The following ADGRL2 variants were observed in gnomAD, a reference collection of about 807,000 sequenced individuals.
The protein encoded by ADGRL2 is adhesion G protein-coupled receptor L2.
A neutral mutation model predicts 157.4 loss-of-function variants in ADGRL2; 44 were observed. The observed-to-expected ratio is 0.28, with a 90% CI of 0.22 to 0.36. The LOEUF (loss-of-function observed/expected upper bound fraction) is 0.36. Among genes scored for constraint, ADGRL2 ranks in the 10% least tolerant of loss-of-function variants. The pLI, the probability that ADGRL2 is intolerant of heterozygous loss-of-function variation, is 1.00. For synonymous variants in ADGRL2, 585 were observed against 624.7 expected, an observed-to-expected ratio of 0.94 and a Z score of 0.95; for missense variants, 1,510 against 1,768.9, an observed-to-expected ratio of 0.85 and a Z score of 2.63.
chr1:81,353,992 C>A (rs766656606), intron 1 of ADGRL2, among the ~76,000 whole-genome samples: 4 of 152,074 alleles, frequency 2.6e-5, no homozygotes, highest in Non-Finnish European at 5.9e-5. Flanking sequence ...GACATGTCTG[C>A]AGAGTGTCAC....
intron 3 of ADGRL2, among the ~76,000 whole-genome samples, chr1:81,591,640 A>G (rs2148590507): frequency 6.6e-6 from 1 of 152,268 alleles, no homozygotes; most frequent in Non-Finnish European, 1.5e-5. Context: ...CTTATGTTTA[A>G]CCAGCAGAAT....
chr1:81,682,878 T>G (rs1483958471), intron 3 of ADGRL2, among the ~76,000 whole-genome samples: 1 of 152,188 alleles, frequency 6.6e-6, no homozygotes, highest in Non-Finnish European at 1.5e-5. Flanking sequence ...ACGCCTGTAA[T>G]CCCAGCACTT....
At chr1:81,312,593 T>C (rs1659832274) in intron 1 of ADGRL2, among the ~76,000 whole-genome samples, 1 of 152,220 alleles carries the variant, frequency 6.6e-6, no homozygotes, top group Non-Finnish European at 1.5e-5. Flanking sequence ...AACCACATGC[T>C]AGAGGCATTT....
chr1:81,696,765 AAAAAC>A (rs1225189365), upstream of ADGRL2, among the ~76,000 whole-genome samples: 1 of 151,818 alleles, frequency 6.6e-6, no homozygotes, highest in East Asian at 1.9e-4. Flanking sequence ...AACAAAAACA[AAAAAC>A]AAAACAAAAA....
intron 2 of ADGRL2, among the ~76,000 whole-genome samples, chr1:81,458,751 G>A (rs1305094676): frequency 6.6e-6 from 1 of 152,180 alleles, no homozygotes; most frequent in African/African-American, 2.4e-5. Context: ...GGAGTCCCAA[G>A]GAGTGTTACA....
chr1:81,388,828 G>A (rs577385451), intron 1 of ADGRL2, among the ~76,000 whole-genome samples: 92 of 152,244 alleles, frequency 6.0e-4, no homozygotes, highest in South Asian at 2.3e-3. Flanking sequence ...GATACTCAAT[G>A]CAATCCTCTG....
chr1:81,747,119 G>GTATATA (rs2085306186), intron 1 of ADGRL2, among the ~76,000 whole-genome samples: 3 of 127,588 alleles, frequency 2.4e-5, no homozygotes, highest in African/African-American at 5.8e-5. Flanking sequence ...GTGTATATAT[G>GTATATA]TGTATATATG....
intron 2 of ADGRL2, among the ~76,000 whole-genome samples, chr1:81,896,563 A>G (rs1307240112): frequency 2.0e-5 from 3 of 152,102 alleles, no homozygotes; most frequent in African/African-American, 7.2e-5. Context: ...TATAAACTCA[A>G]AACTTTAATA....
intron 1 of ADGRL2, among the ~76,000 whole-genome samples, chr1:81,391,584 C>A (rs1469141530): frequency 6.6e-6 from 1 of 152,200 alleles, no homozygotes; most frequent in African/African-American, 2.4e-5. Flanking sequence ...TTGTACCTCT[C>A]TAGCAAGTCC....
intron 2 of ADGRL2, among the ~76,000 whole-genome samples, chr1:81,464,195 C>T (rs2078001778): frequency 1.3e-5 from 2 of 152,096 alleles, no homozygotes; most frequent in Admixed American, 6.6e-5. Flanking sequence ...TTTCTGCAAA[C>T]ATGTAATACA....
chr1:81,614,924 G>A (rs368840200), intron 3 of ADGRL2, among the ~76,000 whole-genome samples: 79 of 152,084 alleles, frequency 5.2e-4, no homozygotes, highest in African/African-American at 1.8e-3. Flanking sequence ...GAAGCGGGAG[G>A]ATTACTTGAG....
At chr1:81,479,439 C>T (rs1004149168) in intron 2 of ADGRL2, among the ~76,000 whole-genome samples, 10 of 151,942 alleles carry the variant, frequency 6.6e-5, no homozygotes, top group East Asian at 3.9e-4. Flanking sequence ...GCCAAGATCG[C>T]GCCATTGCAC....
chr1:81,719,337 A>G (rs2084219800), intron 1 of ADGRL2, among the ~76,000 whole-genome samples: 1 of 152,212 alleles, frequency 6.6e-6, no homozygotes, highest in Non-Finnish European at 1.5e-5. Context: ...TAAATTTGCT[A>G]TGAATTAAAG....
intron 1 of ADGRL2, among the ~76,000 whole-genome samples, chr1:81,376,801 T>G (rs2101022800): frequency 6.6e-6 from 1 of 152,246 alleles, no homozygotes; most frequent in African/African-American, 2.4e-5. Context: ...GGGCCAAGAC[T>G]TTTGGAAGCT....
At chr1:81,669,281 G>A (rs189165274) in intron 3 of ADGRL2, among the ~76,000 whole-genome samples, 1 of 151,986 alleles carries the variant, frequency 6.6e-6, no homozygotes. Flanking sequence ...CGCCACTGAG[G>A]CACACAACTA....
intron 1 of ADGRL2, among the ~76,000 whole-genome samples, chr1:81,721,205 C>T (rs972591512): frequency 4.6e-5 from 7 of 151,822 alleles, no homozygotes; most frequent in African/African-American, 1.5e-4. Context: ...TAAATGGTAA[C>T]GGCATACATT....
chr1:81,535,230 C>T (rs187924690), intron 2 of ADGRL2, among the ~76,000 whole-genome samples: 174 of 152,254 alleles, frequency 1.1e-3, no homozygotes, highest in African/African-American at 4.0e-3. Flanking sequence ...TTTGAGAGAA[C>T]TGAAAAGATG....
At position 81,979,868 on chromosome 1, in the gene ADGRL2, G is replaced by T; in HGVS notation, c.3022-1G>T. 1 of 1,573,294 alleles carries T rather than the reference G, an allele frequency of 6.4e-7. No individual in the cohort carries two copies. ...GTCTAATTCTTTATTTGTTACAACA[G>T]CTAAATATTATCTTCTTGGTGATCA... is the stretch of plus-strand genomic sequence containing the variant. On this transcript the variant is annotated splice_acceptor_variant, in intron 17 of 23. Coordinates refer to ENST00000686636, the MANE Select transcript of ADGRL2 (RefSeq NM_001366006.2). LOFTEE classifies it high-confidence loss of function.
In ADGRL2 at chr1:81,986,881, GTT is replaced by G. The variant is rs749897834; in HGVS notation, c.3509-9_3509-8del. 171 of 1,185,824 alleles carry G rather than the reference GTT, an allele frequency of 1.4e-4. No homozygotes were observed. Among genetic ancestry groups the G allele is most frequent in the Admixed American group, 4.1e-4 (18 of 44,402 alleles). The allele number at this position is 1,185,824 out of a possible 1,614,324, so 73.5% of individuals were successfully genotyped here. On this transcript the variant is annotated intron_variant, in intron 21 of 23. Coordinates refer to ENST00000686636, the MANE Select transcript of ADGRL2 (RefSeq NM_001366006.2). The stretch of plus-strand genomic sequence containing the variant: ...ATGTACTTTTCTCTGTTTTTTTGTT[GTT>G]TTTTTTTTTTACTTTAGGAATGACT...
Sources: allele counts gnomAD v4.1 joint callset (sites outside exome capture counted in the v4.1 genomes callset), GRCh38; gene constraint gnomAD v4.1.1; transcripts MANE v1.5; gene names NCBI Gene and HGNC (gene_info 2026-07-23, HGNC 2026-07-21).